Variants in BCAR1 observed in about 807,000 individuals in gnomAD.
BCAR1 encodes the protein breast cancer anti-estrogen resistance protein 1.
Under a neutral mutation model 67.6 loss-of-function variants are expected in BCAR1, and 30 were observed. That is an observed-to-expected ratio of 0.44 (90% CI 0.33 to 0.60). BCAR1 has a LOEUF of 0.60. Among genes scored for constraint, BCAR1 ranks in the 20% least tolerant of loss-of-function variants. The probability of loss-of-function intolerance (pLI) is 0.02; values close to 1 mark genes in which losing one functional copy is unlikely to be tolerated. For missense variants in BCAR1, 1,313 were observed against 1,222.3 expected (o/e 1.07, Z -1.11); for synonymous variants, 626 against 556.7 (o/e 1.12, Z -1.75).
Position 75,229,987 on chromosome 16 carries a change from G to C in BCAR1, c.2137C>G (p.Arg713Gly), listed in dbSNP as rs373196130. The change falls in exon 7 of 7, where the codon CGG becomes GGG. Residue 713 changes from arginine to glycine, a missense_variant. By Grantham distance (125) the Arg-to-Gly change is moderately radical (BLOSUM62 -2). Transcript: ENST00000162330. ...TTGGCCAGGTCGTGGTCTATGGGCCGTGACACCTCCTGTTCCAGTCGTTCA... is the reference window on the plus strand; with the variant it reads ...TTGGCCAGGTCGTGGTCTATGGGCCCTGACACCTCCTGTTCCAGTCGTTCA... ...QFERLEQEVS[R>G]PIDHDLANWT... 6.4e-7 allele frequency: 1 copy of C among 1,569,630 alleles called. No homozygotes were observed. The highest frequency in any genetic ancestry group is 8.7e-7 in the Non-Finnish European group (1 of 1,155,526).
intron 5 of BCAR1, 138 bp from the exon 6 acceptor site, chr16:75,234,073 GCACA>G (rs542118792): frequency 5.9e-5 from 42 of 707,614 alleles, no homozygotes; most frequent in Non-Finnish European, 8.3e-5. Flanking sequence ...ACACGTGGAC[GCACA>G]CACACACTAG....
At chr16:75,241,031 C>T (rs1004746543) in intron 2 of BCAR1, among the ~76,000 whole-genome samples, 2 of 152,258 alleles carry the variant, frequency 1.3e-5, no homozygotes, top group Non-Finnish European at 2.9e-5. Context: ...GGGGATGTGC[C>T]TGACCTTGGG....
At chr16:75,240,336 C>T (rs2077296492) in intron 2 of BCAR1, among the ~76,000 whole-genome samples, 1 of 152,306 alleles carries the variant, frequency 6.6e-6, no homozygotes. Flanking sequence ...GAGGTTCAGA[C>T]ACAGATGTCC....
chr16:75,264,621 T>A (rs1199586249), intron 1 of BCAR1: 1 of 1,268,200 alleles, frequency 7.9e-7, no homozygotes, highest in African/African-American at 1.5e-5. Flanking sequence ...CATTACCACT[T>A]CTGGAGGCGA....
intron 1 of BCAR1, chr16:75,266,022 G>C (rs1412972609): frequency 4.7e-5 from 48 of 1,021,316 alleles, no homozygotes; most frequent in Non-Finnish European, 5.6e-5. Context: ...CGCCCGCGCC[G>C]CCCCCCCCAC....
rs778961324 is a variant in BCAR1, at chr16:75,234,880, G to A, written c.2010+9C>T. The A allele has an allele frequency of 1.1e-5, 16 of 1,522,204 alleles. No individual in the cohort carries two copies. The highest frequency in any genetic ancestry group is 4.5e-5 in the East Asian group (2 of 43,976). 94.3% of individuals were successfully genotyped at this position (1,522,204 alleles called of 1,614,324 possible). On this transcript the variant is annotated intron_variant, in intron 5 of 6. Coordinates refer to ENST00000162330, the MANE Select transcript of BCAR1 (RefSeq NM_014567.5). ...GAAGAGGAGCCGGGGCTGGGCAGGC[G>A]GCACCCACCTGTAGGTGGACGTAGT...
chr16:75,252,409 G>A, upstream of BCAR1: 1 of 1,457,916 alleles, frequency 6.9e-7, no homozygotes, highest in African/African-American at 1.4e-5. Flanking sequence ...CTGGGGGAAT[G>A]AGGGAGATAG....
At chr16:75,233,820 G>A (rs1390644354) in intron 6 of BCAR1, 26 bp downstream of exon 6, 1 of 1,577,604 alleles carries the variant, frequency 6.3e-7, no homozygotes, top group East Asian at 2.3e-5. Context: ...GGCAAAGCTG[G>A]GCCTTGCTCT....
intron 1 of BCAR1, chr16:75,264,139 C>T (rs1006929183): frequency 1.5e-6 from 2 of 1,302,892 alleles, no homozygotes; most frequent in African/African-American, 1.5e-5. Context: ...CCCGCTGTTC[C>T]TCTCTTGTTA....
In BCAR1 at chr16:75,233,855, C is replaced by A; in HGVS notation, c.2091G>T (p.Glu697Asp). Residue 697 changes from glutamate (E) to aspartate (D), a missense_variant, in exon 6 of 7, where the codon GAG becomes GAT. Glu to Asp is a conservative substitution (Grantham distance 45). This residue lies in a region of BCAR1 where 1,272 missense variants were observed against 1,137.5 expected (regional missense o/e 1.12). Transcript: ENST00000162330. ...SITRQGKSQL[E>D]LQQLKQFERL... ...TGCTCCGGGGCCTCACCTGCTGCAACTCCAGCTGGCTCTTGCCCTGCCGCG... is the reference window on the plus strand; with the variant it reads ...TGCTCCGGGGCCTCACCTGCTGCAAATCCAGCTGGCTCTTGCCCTGCCGCG... 6.2e-7 allele frequency: 1 copy of A among 1,606,176 alleles called. No homozygotes were observed. The highest frequency in any genetic ancestry group is 8.5e-7 in the Non-Finnish European group (1 of 1,176,546).
At chr16:75,240,419 A>G (rs576575772) in intron 2 of BCAR1, among the ~76,000 whole-genome samples, 1 of 152,240 alleles carries the variant, frequency 6.6e-6, no homozygotes, top group Non-Finnish European at 1.5e-5. Flanking sequence ...GGCCCGCCCC[A>G]GCAGAGGGGG....
rs1006280130 is a variant in BCAR1, at chr16:75,235,890, T to C, written c.1009A>G (p.Lys337Glu). 1 of 1,563,568 alleles carries C rather than the reference T, an allele frequency of 6.4e-7. No individual in the cohort carries two copies. The highest frequency in any genetic ancestry group is 8.7e-7 in the Non-Finnish European group (1 of 1,154,758). ...YDVPPAFAKA[K>E]PFDPARTPLV... ...GGGGTGCGGGCCGGGTCAAAGGGCT[T>C]GGCCTTGGCGAAGGCGGGGGGCACA... Residue 337 changes from lysine (K) to glutamate (E), a missense_variant, in exon 5 of 7, where the codon AAG becomes GAG. Transcript: ENST00000162330.
At chr16:75,251,420 C>A in intron 1 of BCAR1, 51 bp downstream of exon 1, 1 of 1,479,134 alleles carries the variant, frequency 6.8e-7, no homozygotes, top group Non-Finnish European at 9.0e-7. Flanking sequence ...CCTTCCAGCC[C>A]GCTGCCGCCT....
At chr16:75,231,713 A>G (rs1186810722) in intron 6 of BCAR1, among the ~76,000 whole-genome samples, 4 of 152,240 alleles carry the variant, frequency 2.6e-5, no homozygotes, top group African/African-American at 9.6e-5. Flanking sequence ...ACTGTTCACA[A>G]AAGTAAAACT....
intron 1 of BCAR1, among the ~76,000 whole-genome samples, chr16:75,267,083 C>T (rs1339312835): frequency 6.6e-6 from 1 of 152,204 alleles, no homozygotes; most frequent in East Asian, 1.9e-4. Context: ...AGCAGGTCAC[C>T]GACTGGGTTT....
At position 75,242,885 on chromosome 16, in the gene BCAR1, C is replaced by T. The variant is rs2077398873; in HGVS notation, c.218G>A (p.Gly73Glu). ...GGTGGCGGGAGGGCCGGGGCCAGGC[C>T]CTGCTGGCTTCTTATCATACATGCC... ...LVGMYDKKPA[G>E]PGPGPPATPA... is the part of the protein sequence containing the mutation. The change falls in exon 2 of 7, where the codon GGG (glycine) becomes GAG (glutamate). Residue 73 changes from glycine (G) to glutamate (E), a missense_variant. By Grantham distance (98) the Gly-to-Glu change is moderately conservative (BLOSUM62 -2). Coordinates refer to ENST00000162330, the MANE Select transcript of BCAR1 (RefSeq NM_014567.5). 5.0e-6 allele frequency: 8 copies of T among 1,610,906 alleles called. No homozygotes were observed. The highest frequency in any genetic ancestry group is 1.1e-5 in the South Asian group (1 of 91,034).
intron 4 of BCAR1, chr16:75,236,635 C>T: frequency 1.5e-6 from 1 of 646,892 alleles, no homozygotes; most frequent in Non-Finnish European, 2.4e-6. Context: ...CCGTGGTCAC[C>T]TTGCGGATAC....
chr16:75,237,874 C>G (rs755469847), intron 2 of BCAR1, among the ~76,000 whole-genome samples: 1 of 152,204 alleles, frequency 6.6e-6, no homozygotes, highest in African/African-American at 2.4e-5. Context: ...ACCCCCTGCC[C>G]CACAGCACAG....
At chr16:75,244,638 G>A (rs1250919161) in intron 1 of BCAR1, among the ~76,000 whole-genome samples, 2 of 152,220 alleles carry the variant, frequency 1.3e-5, no homozygotes, top group Non-Finnish European at 2.9e-5. Flanking sequence ...CATTTCTCCA[G>A]AGCAGCTAGG....
Sources: allele counts gnomAD v4.1 joint callset (sites outside exome capture counted in the v4.1 genomes callset), GRCh38; gene constraint gnomAD v4.1.1; regional missense constraint gnomAD v4.1.1; transcripts MANE v1.5; gene names NCBI Gene and HGNC (gene_info 2026-07-23, HGNC 2026-07-21).